ALLC: variants seen among roughly 807,000 people sequenced by gnomAD.
ALLC encodes the protein allantoicase.
A neutral mutation model predicts 45.0 loss-of-function variants in ALLC; 40 were observed. The observed-to-expected ratio is 0.89, with a 90% CI of 0.69 to 1.16. ALLC has a LOEUF of 1.16. Ranked by LOEUF, ALLC falls within the 50% of genes most tolerant of loss-of-function variation. The pLI, the probability that ALLC is intolerant of heterozygous loss-of-function variation, is 0.00. For missense variants in ALLC, 488 were observed against 493.1 expected (o/e 0.99, Z 0.10); for synonymous variants, 176 against 178.1 (o/e 0.99, Z 0.09).
chr2:3,665,932 TG>T (rs151155778), intron 1 of ALLC, among the ~76,000 whole-genome samples: 2,243 of 152,312 alleles, frequency 0.015, 53 homozygotes, highest in African/African-American at 0.05. Flanking sequence ...GCTGGTACCT[TG>T]AGAAAGGGTA....
intron 1 of ALLC, 61 bp from the exon 2 acceptor site, chr2:3,671,035 G>A (rs1302802594): frequency 1.1e-6 from 1 of 947,880 alleles, no homozygotes; most frequent in Non-Finnish European, 1.6e-6. Context: ...CAGGAGCCTA[G>A]ACGGGGCCTC....
chr2:3,648,325 G>T, the ALLC span, among the ~76,000 whole-genome samples: 4 of 152,226 alleles, frequency 2.6e-5, no homozygotes, highest in African/African-American at 9.6e-5. Flanking sequence ...CTTTGATGAG[G>T]CTTTCACATG....
rs925897034 is a variant in ALLC at position 3,678,779 on chromosome 2, T to C, written c.172+224T>C. Among the ~76,000 whole-genome samples, 4 of 152,234 alleles carry C rather than the reference T, an allele frequency of 2.6e-5. No homozygotes were observed. In the East Asian group the frequency reaches 7.7e-4, roughly 29 times the overall value. ...CAGGCACAAAGGGTGAGAAGCACGT[T>C]GTCGGGAAAATGAAAACCCTGGTGA... is the stretch of plus-strand genomic sequence containing the variant. On this transcript the variant is annotated intron_variant, in intron 4 of 11. Transcript: ENST00000252505.
In ALLC at chr2:3,669,786, G is replaced by A. The variant is rs538850884; in HGVS notation, c.-62-1310G>A. ...TTGCTGGAGCGACCAGGAGGATGGGGCTGCTCCTCCCGGAGGTGGGAGGCT... is the reference window on the plus strand; with the variant it reads ...TTGCTGGAGCGACCAGGAGGATGGGACTGCTCCTCCCGGAGGTGGGAGGCT... On this transcript the variant is annotated intron_variant, in intron 1 of 11. Coordinates refer to ENST00000252505, the MANE Select transcript of ALLC (RefSeq NM_018436.4). Among the ~76,000 whole-genome samples the A allele has an allele frequency of 3.5e-3, 527 of 152,344 alleles. 6 individuals are homozygous for A. The highest frequency in any genetic ancestry group is 0.012 in the African/African-American group (508 of 41,576).
intron 1 of ALLC, among the ~76,000 whole-genome samples, chr2:3,668,108 T>A (rs192999982): frequency 9.2e-5 from 14 of 152,304 alleles, no homozygotes; most frequent in Admixed American, 3.3e-4. Flanking sequence ...ATGCTCATAT[T>A]ATTTGGGAAC....
At chr2:3,695,378 A>C (rs940669426) in intron 7 of ALLC, 1 of 270,900 alleles carries the variant, frequency 3.7e-6, no homozygotes, top group Non-Finnish European at 7.0e-6. Flanking sequence ...TAAATAACAA[A>C]GAGATATGAT....
At chr2:3,689,686 T>C (rs890360536) in intron 7 of ALLC, among the ~76,000 whole-genome samples, 3 of 150,970 alleles carry the variant, frequency 2.0e-5, no homozygotes, top group African/African-American at 4.8e-5. Flanking sequence ...TCTGCAGCAG[T>C]TGGGTAAAAT....
chr2:3,651,301 TGGGTGGGTGGG>T, the ALLC span, among the ~76,000 whole-genome samples: 16 of 7,760 alleles, frequency 2.1e-3, no homozygotes, highest in African/African-American at 4.3e-3. Flanking sequence ...TCTTTTTGGG[TGGGTGGGTGGG>T]TGGGGGGGGT....
rs954689128 is a variant in ALLC, at chr2:3,696,187, A to G, written c.668-88A>G. On this transcript the variant is annotated intron_variant, in intron 8 of 11. Coordinates refer to ENST00000252505, the MANE Select transcript of ALLC (RefSeq NM_018436.4). ...AACTTATGTAGCAATGCTCAGATGC[A>G]TAAGATCTGTAATTTAATTACAGCA... The G allele has an allele frequency of 1.2e-5, 13 of 1,083,030 alleles. No homozygotes were observed. The Middle Eastern group carries it at 1.6e-3, about 134-fold the overall frequency. The allele number at this position is 1,083,030 out of a possible 1,614,324, so 67.1% of individuals were successfully genotyped here. A position where few individuals can be genotyped will look rare whatever the true frequency, so the allele number is the denominator to read the frequency against.
chr2:3,679,856 C>G lies in ALLC; in HGVS notation c.173-13C>G. ...GCCCTAACGAGACTGCTCTTGTCCTCTGTGTTGCGCAGGTCACGACTGGTG... is the reference window on the plus strand; with the variant it reads ...GCCCTAACGAGACTGCTCTTGTCCTGTGTGTTGCGCAGGTCACGACTGGTG... On this transcript the variant is annotated splice_polypyrimidine_tract_variant and intron_variant, in intron 4 of 11. Transcript: ENST00000252505. 1 of 1,613,710 alleles carries G rather than the reference C, an allele frequency of 6.2e-7. No homozygotes were observed. Among genetic ancestry groups the G allele is most frequent in the Non-Finnish European group, 8.5e-7 (1 of 1,179,840 alleles).
Position 3,701,446 on chromosome 2 carries a change from G to A in ALLC, c.851-66G>A. 3 of 1,461,268 alleles carry A rather than the reference G, an allele frequency of 2.1e-6. No individual in the cohort carries two copies. In the South Asian group the frequency reaches 4.2e-5, roughly 20 times the overall value. The allele number at this position is 1,461,268 out of a possible 1,614,324, so 90.5% of individuals were successfully genotyped here. ...GTTTTTGATCTTATTAAAAAAGCATGATATCCTATACGCCAAACTGAGTGC... is the reference window on the plus strand; with the variant it reads ...GTTTTTGATCTTATTAAAAAAGCATAATATCCTATACGCCAAACTGAGTGC... On this transcript the variant is annotated intron_variant, in intron 10 of 11. Transcript: ENST00000252505.
intron 4 of ALLC, 133 bp downstream of exon 4, chr2:3,678,688 C>G: frequency 1.4e-6 from 1 of 702,066 alleles, no homozygotes; most frequent in Non-Finnish European, 2.5e-6. Flanking sequence ...TCTTGGATGT[C>G]CTTATCTGAA....
At chr2:3,657,441 G>A (rs1292555203), upstream of ALLC, among the ~76,000 whole-genome samples, 4 of 151,118 alleles carry the variant, frequency 2.6e-5, no homozygotes, top group Non-Finnish European at 5.9e-5. Context: ...CCCTGTGCGC[G>A]CCATCTGCTG....
rs1387695760 is a variant in ALLC, at chr2:3,695,737, A to C, written c.532A>C (p.Arg178=). 4.3e-6 allele frequency: 7 copies of C among 1,613,930 alleles called. No individual in the cohort carries two copies. Among genetic ancestry groups the C allele is most frequent in the Admixed American group, 3.3e-5 (2 of 60,006 alleles). Residue 178 remains arginine (R), a synonymous_variant, in exon 8 of 12, where the codon AGA becomes CGA. Transcript: ENST00000252505. The part of the protein sequence containing the change: ...IFPDGGIARL[R]VFGTGQKDWT... ...TTCAGATGGTGGAATTGCACGACTT[A>C]GAGTATTCGGTACTGGACAAAAAGA...
chr2:3,673,245 G>T (rs1196081072), intron 2 of ALLC, among the ~76,000 whole-genome samples: 4 of 152,268 alleles, frequency 2.6e-5, no homozygotes, highest in African/African-American at 9.6e-5. Flanking sequence ...AGAGTTGGGA[G>T]CACGAGTCTG....
chr2:3,677,528 G>A (rs1667055864), intron 3 of ALLC, among the ~76,000 whole-genome samples: 1 of 152,218 alleles, frequency 6.6e-6, no homozygotes, highest in African/African-American at 2.4e-5. Flanking sequence ...GTTGACAACA[G>A]CCAGAGGCGG....
chr2:3,668,883 T>A (rs1666795677), intron 1 of ALLC, among the ~76,000 whole-genome samples: 2 of 151,910 alleles, frequency 1.3e-5, no homozygotes. Context: ...GCCATGTGTA[T>A]GACTTTGATT....
intron 7 of ALLC, chr2:3,688,677 T>A (rs1667395595): frequency 6.2e-6 from 1 of 161,308 alleles, no homozygotes; most frequent in East Asian, 1.9e-4. Flanking sequence ...TTCTCCATGG[T>A]AATGGAGATT....
intron 10 of ALLC, among the ~76,000 whole-genome samples, chr2:3,698,868 G>A (rs1345193276): frequency 6.6e-6 from 1 of 152,014 alleles, no homozygotes; most frequent in African/African-American, 2.4e-5. Context: ...CTGGGTGAGT[G>A]GTTTTTAAAT....
Sources: gnomAD v4.1 joint callset for allele counts (sites outside exome capture counted in the v4.1 genomes callset) on GRCh38, gnomAD v4.1.1 for gene constraint, MANE v1.5 for transcripts, NCBI Gene and HGNC (gene_info 2026-07-23, HGNC 2026-07-21) for gene names.